The following ST18 variants were observed in gnomAD, a reference collection of about 807,000 sequenced individuals.
ST18 encodes the protein suppression of tumorigenicity 18 protein.
Under a neutral mutation model 110.0 loss-of-function variants are expected in ST18, and 50 were observed. The observed-to-expected ratio is 0.45, with a 90% CI of 0.36 to 0.58. The LOEUF (loss-of-function observed/expected upper bound fraction) is 0.58. ST18 is among the 20% of genes least tolerant of loss of function. ST18 has a pLI of 0.00. For synonymous variants in ST18, 461 were observed against 452.4 expected (o/e 1.02, Z -0.24); for missense variants, 1,306 against 1,280.1 (o/e 1.02, Z -0.31).
At chr8:52,198,861 A>G (rs772429176) in intron 8 of ST18, among the ~76,000 whole-genome samples, 2 of 152,174 alleles carry the variant, frequency 1.3e-5, no homozygotes, top group Non-Finnish European at 2.9e-5. Context: ...CCCCTTCCAC[A>G]TGTACCTGTG....
chr8:52,256,594 T>C (rs1210132542), intron 2 of ST18, among the ~76,000 whole-genome samples: 1 of 152,150 alleles, frequency 6.6e-6, no homozygotes, highest in Non-Finnish European at 1.5e-5. Flanking sequence ...AATGAATCCC[T>C]ATACTGAGCT....
chr8:52,149,592 A>G (rs2058264544), intron 16 of ST18, 140 bp downstream of exon 16: 8 of 1,230,846 alleles, frequency 6.5e-6, no homozygotes, highest in Non-Finnish European at 8.7e-6. Context: ...AAAAATCACC[A>G]CTTTATCAAA....
intron 9 of ST18, among the ~76,000 whole-genome samples, chr8:52,177,865 T>C (rs965933791): frequency 6.6e-6 from 1 of 152,172 alleles, no homozygotes; most frequent in African/African-American, 2.4e-5. Flanking sequence ...TCACACACAC[T>C]CGTGGCATTA....
chr8:52,309,197 A>G (rs2095860745), intron 2 of ST18, among the ~76,000 whole-genome samples: 1 of 152,156 alleles, frequency 6.6e-6, no homozygotes, highest in Non-Finnish European at 1.5e-5. Flanking sequence ...GCAATGGTCA[A>G]TTATGAGTTC....
intron 16 of ST18, among the ~76,000 whole-genome samples, chr8:52,147,605 G>A (rs1034114092): frequency 6.6e-6 from 1 of 151,912 alleles, no homozygotes; most frequent in Non-Finnish European, 1.5e-5. Context: ...GAAAGCCCAA[G>A]TGCCACTCTG....
chr8:52,398,113 A>T (rs1841772423), intron 2 of ST18, among the ~76,000 whole-genome samples: 1 of 152,040 alleles, frequency 6.6e-6, no homozygotes, highest in Admixed American at 6.5e-5. Flanking sequence ...TCTGTTTTTG[A>T]TGTTTTACAG....
chr8:52,224,929 T>C (rs1230780882), intron 3 of ST18, among the ~76,000 whole-genome samples: 1 of 152,234 alleles, frequency 6.6e-6, no homozygotes, highest in Non-Finnish European at 1.5e-5. Flanking sequence ...CTCTGCCTTA[T>C]AGAACCTTTC....
intron 2 of ST18, among the ~76,000 whole-genome samples, chr8:52,385,800 G>C (rs916514559): frequency 6.6e-6 from 1 of 152,098 alleles, no homozygotes; most frequent in Non-Finnish European, 1.5e-5. Context: ...ATTTCAGTGA[G>C]GAAAGTAAAA....
chr8:52,193,043 A>G (rs1284998025), intron 8 of ST18, among the ~76,000 whole-genome samples: 5 of 152,146 alleles, frequency 3.3e-5, no homozygotes, highest in African/African-American at 1.2e-4. Context: ...TTCTGGCCCA[A>G]ACTTGTCAGC....
At chr8:52,196,012 A>G (rs200958011) in intron 8 of ST18, among the ~76,000 whole-genome samples, 1 of 151,916 alleles carries the variant, frequency 6.6e-6, no homozygotes, top group Non-Finnish European at 1.5e-5. Context: ...TCCCTCATTT[A>G]GTATTTCATC....
Position 52,113,038 on chromosome 8 carries a change from T to C in ST18, c.*160A>G. ...CCAAGAAGTCTATCATAGTTTTTCT[T>C]TCCTTTTTATATCAGCTGGGGAAAA... On this transcript the variant is annotated 3_prime_UTR_variant, in exon 26 of 26. Transcript: ENST00000689386. 1.4e-6 allele frequency: 1 copy of C among 713,220 alleles called. No homozygotes were observed. Among genetic ancestry groups the C allele is most frequent in the Non-Finnish European group, 2.0e-6 (1 of 492,172 alleles). The allele number at this position is 713,220 out of a possible 1,614,324, so 44.2% of individuals were successfully genotyped here.
intron 2 of ST18, among the ~76,000 whole-genome samples, chr8:52,230,689 C>CA (rs1215692244): frequency 1.3e-5 from 2 of 152,122 alleles, no homozygotes; most frequent in Admixed American, 1.3e-4. Flanking sequence ...CTTTAATTCT[C>CA]ATGTGTTTCC....
chr8:52,135,742 A>G (rs1328776162), intron 19 of ST18, among the ~76,000 whole-genome samples: 7 of 152,156 alleles, frequency 4.6e-5, no homozygotes, highest in Non-Finnish European at 1.0e-4. Context: ...TTTTAGATAA[A>G]AAAATTTTAA....
At chr8:52,312,686 G>T (rs1186051887) in intron 2 of ST18, among the ~76,000 whole-genome samples, 1 of 152,164 alleles carries the variant, frequency 6.6e-6, no homozygotes, top group Non-Finnish European at 1.5e-5. Flanking sequence ...CAGGAAAATG[G>T]AGTGCACAGC....
intron 2 of ST18, among the ~76,000 whole-genome samples, chr8:52,320,113 T>C (rs1474203744): frequency 6.6e-6 from 1 of 152,188 alleles, no homozygotes; most frequent in Admixed American, 6.5e-5. Flanking sequence ...TCTCTATATA[T>C]ATGTAGTATG....
intron 2 of ST18, among the ~76,000 whole-genome samples, chr8:52,355,442 A>T (rs896272417): frequency 6.6e-6 from 1 of 152,240 alleles, no homozygotes; most frequent in Non-Finnish European, 1.5e-5. Flanking sequence ...GAGGACAAAC[A>T]GGCTGGTATG....
intron 2 of ST18, among the ~76,000 whole-genome samples, chr8:52,318,750 A>G (rs2096072430): frequency 1.3e-5 from 2 of 152,222 alleles, no homozygotes; most frequent in East Asian, 1.9e-4. Flanking sequence ...CTATGCTGCC[A>G]TAAAAAGGAA....
At chr8:52,217,368 C>T (rs1489578008) in intron 6 of ST18, among the ~76,000 whole-genome samples, 1 of 152,020 alleles carries the variant, frequency 6.6e-6, no homozygotes, top group African/African-American at 2.4e-5. Context: ...TTTTCCCTAA[C>T]TTGAAACTAC....
chr8:52,183,009 A>T (rs1286783063), intron 8 of ST18, among the ~76,000 whole-genome samples: 1 of 152,186 alleles, frequency 6.6e-6, no homozygotes, highest in East Asian at 1.9e-4. Context: ...CATCATCCAA[A>T]TTTACTTATA....
Sources: allele counts gnomAD v4.1 joint callset (sites outside exome capture counted in the v4.1 genomes callset), GRCh38; gene constraint gnomAD v4.1.1; transcripts MANE v1.5; gene names NCBI Gene and HGNC (gene_info 2026-07-23, HGNC 2026-07-21).